Variants in R3HCC1L observed in about 807,000 individuals in gnomAD.
R3HCC1L encodes coiled-coil domain-containing protein R3HCC1L.
Under a neutral mutation model 59.9 loss-of-function variants are expected in R3HCC1L, and 51 were observed. That is an observed-to-expected ratio of 0.85 (90% CI 0.68 to 1.07). R3HCC1L has a LOEUF of 1.07. R3HCC1L is among the 50% of genes least tolerant of loss of function. The pLI, the probability that R3HCC1L is intolerant of heterozygous loss-of-function variation, is 0.00. For synonymous variants in R3HCC1L, 322 were observed against 315.2 expected (o/e 1.02, Z -0.23); for missense variants, 965 against 933.0 (o/e 1.03, Z -0.45).
At chr10:98,232,029 C>T (rs2135637618) in intron 6 of R3HCC1L, among the ~76,000 whole-genome samples, 1 of 152,164 alleles carries the variant, frequency 6.6e-6, no homozygotes, top group East Asian at 1.9e-4. Context: ...GTTTATTTGT[C>T]CTATCTTTTT....
Position 98,209,848 on chromosome 10 carries a change from G to A in R3HCC1L, c.1734G>A (p.Glu578=). The A allele has an allele frequency of 6.2e-7, 1 of 1,613,740 alleles. No homozygotes were observed. Among genetic ancestry groups the A allele is most frequent in the Non-Finnish European group, 8.5e-7 (1 of 1,179,750 alleles). ...EGITAIEESW[E]SMFNDDGDCL... is the part of the protein sequence containing the mutation. The stretch of plus-strand genomic sequence containing the variant: ...TTACTGCCATTGAGGAGAGCTGGGA[G>A]TCTATGTTTAACGATGATGGTGACT... Residue 578 remains glutamate, a synonymous_variant, in exon 5 of 10, where the codon GAG becomes GAA. Transcript: ENST00000298999.
chr10:98,207,686 GAAC>G (rs1449388891), intron 4 of R3HCC1L, among the ~76,000 whole-genome samples: 1 of 150,588 alleles, frequency 6.6e-6, no homozygotes, highest in Non-Finnish European at 1.5e-5. Flanking sequence ...TATTTATGTT[GAAC>G]AACAACAACA....
At chr10:98,210,498 T>C (rs1020170638) in intron 5 of R3HCC1L, among the ~76,000 whole-genome samples, 12 of 152,220 alleles carry the variant, frequency 7.9e-5, no homozygotes, top group Admixed American at 5.9e-4. Context: ...TAGAAATTAC[T>C]CAGTTCAGTC....
chr10:98,227,077 G>A (rs1215874292), intron 5 of R3HCC1L, among the ~76,000 whole-genome samples: 1 of 152,208 alleles, frequency 6.6e-6, no homozygotes, highest in Non-Finnish European at 1.5e-5. Flanking sequence ...TAAGCAGAGT[G>A]GAACTAATAT....
intron 5 of R3HCC1L, among the ~76,000 whole-genome samples, chr10:98,225,804 A>C (rs756125845): frequency 5.3e-5 from 8 of 152,132 alleles, no homozygotes; most frequent in Admixed American, 2.0e-4. Context: ...GCATAATCAA[A>C]TTTTCTTGCC....
chr10:98,152,205 T>G (rs1223120782), intron 1 of R3HCC1L, among the ~76,000 whole-genome samples: 7 of 152,226 alleles, frequency 4.6e-5, no homozygotes, highest in African/African-American at 1.7e-4. Context: ...TCCGCCAGCC[T>G]CGGCCTCCCG....
intron 7 of R3HCC1L, 101 bp from the exon 8 acceptor site, chr10:98,235,324 A>G: frequency 9.9e-7 from 1 of 1,014,654 alleles, no homozygotes; most frequent in Non-Finnish European, 1.5e-6. Context: ...CTTGCTTTGA[A>G]AAAAAAGCAT....
At chr10:98,173,044 A>G (rs904100699) in intron 4 of R3HCC1L, among the ~76,000 whole-genome samples, 3 of 152,194 alleles carry the variant, frequency 2.0e-5, no homozygotes, top group Non-Finnish European at 4.4e-5. Context: ...TCTTAAATCA[A>G]AATTTTTACC....
intron 5 of R3HCC1L, among the ~76,000 whole-genome samples, chr10:98,217,888 ATTTC>A (rs1421365408): frequency 6.6e-6 from 1 of 151,776 alleles, no homozygotes; most frequent in Non-Finnish European, 1.5e-5. Context: ...AATTTACTGA[ATTTC>A]TTTATCAGTT....
At position 98,244,117 on chromosome 10, in the gene R3HCC1L, C is replaced by A. The variant is rs200017417; in HGVS notation, c.2296C>A (p.Arg766=). The part of the protein sequence containing the change: ...RERKRLEAKQ[R]EDIWEGRDQS... ...GAGAAAGCGGTTGGAAGCCAAGCAACGGGAAGACATCTGGGAAGGCAGAGA... is the reference window on the plus strand; with the variant it reads ...GAGAAAGCGGTTGGAAGCCAAGCAAAGGGAAGACATCTGGGAAGGCAGAGA... Residue 766 remains arginine, a synonymous_variant, in exon 10 of 10, where the codon CGG becomes AGG. Coordinates refer to ENST00000298999, the MANE Select transcript of R3HCC1L (RefSeq NM_001351015.2). The A allele has an allele frequency of 6.2e-7, 1 of 1,613,902 alleles. No homozygotes were observed.
intron 1 of R3HCC1L, among the ~76,000 whole-genome samples, chr10:98,155,479 G>A (rs1036187466): frequency 5.9e-5 from 9 of 152,012 alleles, no homozygotes; most frequent in African/African-American, 2.2e-4. Flanking sequence ...GTCCCTTTCG[G>A]TTGAAAATGT....
chr10:98,231,781 G>A (rs1485572079), intron 6 of R3HCC1L, 94 bp downstream of exon 6: 22 of 1,289,068 alleles, frequency 1.7e-5, no homozygotes, highest in Non-Finnish European at 1.9e-5. Context: ...TTTATATCCC[G>A]TTTTTCATAT....
At chr10:98,165,688 A>G (rs1271734504) in intron 4 of R3HCC1L, among the ~76,000 whole-genome samples, 1 of 152,246 alleles carries the variant, frequency 6.6e-6, no homozygotes, top group Non-Finnish European at 1.5e-5. Context: ...AGTTATACAA[A>G]GTAAATAGCT....
At chr10:98,203,250 G>A (rs1307906906) in intron 4 of R3HCC1L, among the ~76,000 whole-genome samples, 1 of 152,134 alleles carries the variant, frequency 6.6e-6, no homozygotes, top group African/African-American at 2.4e-5. Context: ...CTGCATGTGT[G>A]TGTATGTGTA....
chr10:98,218,773 T>G (rs929174450), intron 5 of R3HCC1L, among the ~76,000 whole-genome samples: 1 of 152,232 alleles, frequency 6.6e-6, no homozygotes, highest in Non-Finnish European at 1.5e-5. Flanking sequence ...GAGTGGGATG[T>G]TGAAGCCCCC....
chr10:98,233,229 CA>C (rs2135660548), intron 6 of R3HCC1L, among the ~76,000 whole-genome samples: 1 of 152,248 alleles, frequency 6.6e-6, no homozygotes, highest in East Asian at 1.9e-4. Context: ...TTAACTCTTA[CA>C]AACTATTTAC....
intron 4 of R3HCC1L, among the ~76,000 whole-genome samples, chr10:98,178,941 T>C (rs910655027): frequency 2.0e-5 from 3 of 152,216 alleles, no homozygotes; most frequent in African/African-American, 7.2e-5. Flanking sequence ...TGAATTTGCT[T>C]ATAAGCTTAA....
chr10:98,226,384 A>G (rs1855679563), intron 5 of R3HCC1L, among the ~76,000 whole-genome samples: 2 of 152,228 alleles, frequency 1.3e-5, no homozygotes, highest in Admixed American at 1.3e-4. Flanking sequence ...TACTCTGAAA[A>G]CTATAAAACA....
At chr10:98,162,588 G>A (rs775586705) in intron 2 of R3HCC1L, among the ~76,000 whole-genome samples, 1 of 152,080 alleles carries the variant, frequency 6.6e-6, no homozygotes, top group Non-Finnish European at 1.5e-5. Flanking sequence ...TACTTACTGA[G>A]TATCCACCAT....
Sources: allele counts gnomAD v4.1 joint callset (sites outside exome capture counted in the v4.1 genomes callset), GRCh38; gene constraint gnomAD v4.1.1; transcripts MANE v1.5; gene names NCBI Gene and HGNC (gene_info 2026-07-23, HGNC 2026-07-21).